Variants in ANTXRL observed in about 807,000 individuals in gnomAD.
The protein encoded by ANTXRL is ANTXR like.
ANTXRL carries 63 observed loss-of-function variants against 75.4 expected under a neutral mutation model. The ratio of observed to expected loss-of-function variants is 0.84; its 90% CI spans 0.68 to 1.03. The LOEUF is 1.03. ANTXRL is among the 50% of genes least tolerant of loss of function. ANTXRL has a pLI of 0.00. For missense variants in ANTXRL, 797 were observed against 789.4 expected, an observed-to-expected ratio of 1.01 and a Z score of -0.12; for synonymous variants, 335 against 291.3, an observed-to-expected ratio of 1.15 and a Z score of -1.53.
chr10:46,286,900 C>A (rs1333604304), upstream of ANTXRL: 2 of 315,526 alleles, frequency 6.3e-6, no homozygotes, highest in Non-Finnish European at 1.2e-5. Context: ...CTTGTAGCCC[C>A]TCCAAAGGTC....
At position 46,295,974 on chromosome 10, in the gene ANTXRL, A is replaced by T. The variant is rs142430016; in HGVS notation, c.393-45A>T. ...GAGAGCTTGGGAGCTGATTTTTAAC[A>T]GTCAATGTCTTTCCAGGTCAACCAC... is the stretch of plus-strand genomic sequence containing the variant. On this transcript the variant is annotated intron_variant, in intron 3 of 16. Coordinates refer to ENST00000620264, the MANE Select transcript of ANTXRL (RefSeq NM_001278688.3). The T allele has an allele frequency of 3.4e-4, 495 of 1,476,560 alleles. 2 individuals are homozygous for T. Among genetic ancestry groups the T allele is most frequent in the Admixed American group, 1.3e-3 (68 of 50,882 alleles). 91.5% of individuals were successfully genotyped at this position (1,476,560 alleles called of 1,614,324 possible).
At chr10:46,299,401 G>T (rs1322021815) in intron 9 of ANTXRL, among the ~76,000 whole-genome samples, 1 of 152,130 alleles carries the variant, frequency 6.6e-6, no homozygotes, top group East Asian at 1.9e-4. Flanking sequence ...TCCCAGTATG[G>T]GTTGTGACAG....
At chr10:46,307,344 G>T in intron 11 of ANTXRL, 58 bp from the exon 12 acceptor site, 1 of 1,265,274 alleles carries the variant, frequency 7.9e-7, no homozygotes, top group South Asian at 1.3e-5. Flanking sequence ...TGCTGTCCAA[G>T]GGCAAGAACT....
upstream of ANTXRL, among the ~76,000 whole-genome samples, chr10:46,286,825 A>T (rs537670056): frequency 6.6e-6 from 1 of 152,144 alleles, no homozygotes; most frequent in Non-Finnish European, 1.5e-5. Context: ...CAATGAACAA[A>T]CAGCAGGGTC....
chr10:46,304,095 A>G (rs575020662), intron 10 of ANTXRL, among the ~76,000 whole-genome samples: 1 of 152,176 alleles, frequency 6.6e-6, no homozygotes, highest in African/African-American at 2.4e-5. Context: ...TTCAGTTTTC[A>G]TTGGGTTATA....
chr10:46,291,392 A>ATT (rs11395700), intron 1 of ANTXRL, among the ~76,000 whole-genome samples: 28,927 of 149,630 alleles, frequency 0.19, 2,349 homozygotes, highest in South Asian at 0.21. Flanking sequence ...TCTTTTTCAG[A>ATT]TTTTTTTTTT....
intron 16 of ANTXRL, among the ~76,000 whole-genome samples, chr10:46,322,125 G>A (rs1839005910): frequency 6.6e-6 from 1 of 151,938 alleles, no homozygotes; most frequent in Non-Finnish European, 1.5e-5. Flanking sequence ...TCCCACATGG[G>A]AAAGCCTTTA....
At chr10:46,313,202 T>A in intron 15 of ANTXRL, 34 bp from the exon 16 acceptor site, 2 of 1,525,720 alleles carry the variant, frequency 1.3e-6, no homozygotes, top group Non-Finnish European at 1.8e-6. Flanking sequence ...GTGTCCAAGC[T>A]GCATGTCTTC....
chr10:46,293,461 AGT>A (rs10546433), intron 2 of ANTXRL, among the ~76,000 whole-genome samples: 79,995 of 136,410 alleles, frequency 0.59, 22,020 homozygotes, highest in Non-Finnish European at 0.66. Flanking sequence ...TGCATGTGTG[AGT>A]GTGTGTGTAT....
chr10:46,305,373 A>G (rs1171770123), intron 10 of ANTXRL, among the ~76,000 whole-genome samples: 2 of 152,196 alleles, frequency 1.3e-5, no homozygotes, highest in Admixed American at 1.3e-4. Context: ...GGAACAGGAC[A>G]TTGCAATGGA....
chr10:46,311,392 C>T, intron 14 of ANTXRL, 118 bp from the exon 15 acceptor site: 1 of 1,355,060 alleles, frequency 7.4e-7, no homozygotes, highest in African/African-American at 1.5e-5. Context: ...ACATGAAGGA[C>T]CCTCCACTGT....
intron 16 of ANTXRL, among the ~76,000 whole-genome samples, chr10:46,327,586 G>A (rs547450593): frequency 2.6e-5 from 4 of 152,188 alleles, no homozygotes; most frequent in East Asian, 1.9e-4. Flanking sequence ...GTCACAGGAC[G>A]GGGCCTAGAT....
At chr10:46,313,440 A>G (rs1838547758) in intron 16 of ANTXRL, 124 bp downstream of exon 16, 1 of 1,004,990 alleles carries the variant, frequency 1.0e-6, no homozygotes, top group Non-Finnish European at 1.5e-6. Context: ...ACGGCACAAG[A>G]CACACAGAAA....
Position 46,307,441 on chromosome 10 carries a change from A to G in ANTXRL, c.1005A>G (p.Thr335=), listed in dbSNP as rs1554962207. The G allele has an allele frequency of 1.3e-6, 2 of 1,536,204 alleles. No homozygotes were observed. The highest frequency in any genetic ancestry group is 1.2e-5 in the South Asian group (1 of 84,048). ...AAGTCAGCTTGAACAAAGGCAAAACATTCTTCAAGAGCAATGTCAGCATCA... is the reference window on the plus strand; with the variant it reads ...AAGTCAGCTTGAACAAAGGCAAAACGTTCTTCAAGAGCAATGTCAGCATCA... ...SIEVSLNKGK[T]FFKSNVSITS... The change falls in exon 12 of 17, where the codon ACA becomes ACG. Residue 335 remains threonine (T), a synonymous_variant. Coordinates refer to ENST00000620264, the MANE Select transcript of ANTXRL (RefSeq NM_001278688.3).
intron 8 of ANTXRL, 44 bp downstream of exon 8, chr10:46,297,955 C>T (rs1361081078): frequency 2.6e-6 from 4 of 1,535,646 alleles, no homozygotes; most frequent in Admixed American, 2.0e-5. Context: ...GATCCTTTGG[C>T]AGGAAGCTCA....
intron 16 of ANTXRL, among the ~76,000 whole-genome samples, chr10:46,319,148 G>A (rs1838867394): frequency 6.6e-6 from 1 of 152,166 alleles, no homozygotes; most frequent in African/African-American, 2.4e-5. Context: ...TCAAGTATGT[G>A]AGTATGGAGG....
intron 9 of ANTXRL, among the ~76,000 whole-genome samples, chr10:46,302,144 A>C (rs1837787484): frequency 6.6e-6 from 1 of 152,304 alleles, no homozygotes; most frequent in Non-Finnish European, 1.5e-5. Context: ...TCCCTTGAGC[A>C]GGGTCCTAGG....
chr10:46,296,008 A>T lies in ANTXRL; in HGVS notation c.393-11A>T, dbSNP rs1469102073. ...CTTTCCAGGTCAACCACCTTTTTAA[A>T]TTTTTTTCAGGAATAGAATAAAAAA... On this transcript the variant is annotated splice_polypyrimidine_tract_variant and intron_variant, in intron 3 of 16. Transcript: ENST00000620264. 3.9e-6 allele frequency: 6 copies of T among 1,534,580 alleles called. No individual in the cohort carries two copies. The highest frequency in any genetic ancestry group is 2.7e-5 in the African/African-American group (2 of 72,916).
chr10:46,308,694 C>A, intron 12 of ANTXRL: 1 of 341,982 alleles, frequency 2.9e-6, no homozygotes, highest in East Asian at 7.9e-5. Flanking sequence ...CAGAGCAGTG[C>A]GTGGATGTGC....
Sources: allele counts gnomAD v4.1 joint callset (sites outside exome capture counted in the v4.1 genomes callset), GRCh38; gene constraint gnomAD v4.1.1; transcripts MANE v1.5; gene names NCBI Gene and HGNC (gene_info 2026-07-23, HGNC 2026-07-21).